The following SAMMSON variants were observed in gnomAD, a reference collection of about 807,000 sequenced individuals.
The protein encoded by SAMMSON is long intergenic non-protein coding RNA 1212.
chr3:70,103,513 A>G (rs2067354147), intron 4 of SAMMSON, among the ~76,000 whole-genome samples: 1 of 152,158 alleles, frequency 6.6e-6, no homozygotes, highest in Non-Finnish European at 1.5e-5. Flanking sequence ...TGAAAATGTC[A>G]ATGGCTTTTA....
intron 6 of SAMMSON, among the ~76,000 whole-genome samples, chr3:70,265,036 T>C (rs1701903259): frequency 6.6e-6 from 1 of 152,156 alleles, no homozygotes; most frequent in Non-Finnish European, 1.5e-5. Flanking sequence ...AACCATCAGA[T>C]ATCGTGAGAC....
intron 7 of SAMMSON, among the ~76,000 whole-genome samples, chr3:70,311,369 T>C (rs559878416): frequency 3.3e-5 from 5 of 152,168 alleles, no homozygotes; most frequent in Non-Finnish European, 7.3e-5. Flanking sequence ...GAGAACATAT[T>C]GATTTGTGTG....
intron 4 of SAMMSON, among the ~76,000 whole-genome samples, chr3:70,152,077 A>G (rs1397877426): frequency 6.6e-6 from 1 of 151,928 alleles, no homozygotes; most frequent in East Asian, 1.9e-4. Context: ...CCTTTTTCCT[A>G]ATTATGCTGC....
chr3:70,028,615 T>C (rs1247067516), intron 3 of SAMMSON, among the ~76,000 whole-genome samples: 3 of 152,190 alleles, frequency 2.0e-5, no homozygotes, highest in Admixed American at 2.0e-4. Flanking sequence ...AAATGAAATA[T>C]TTAATGGAAG....
At chr3:70,108,124 GCTGATTGTGTTAGACTGGTTT>G (rs1252484678) in intron 4 of SAMMSON, among the ~76,000 whole-genome samples, 3 of 152,072 alleles carry the variant, frequency 2.0e-5, no homozygotes, top group Non-Finnish European at 4.4e-5. Flanking sequence ...TTTAACCAAT[GCTGATTGTGTTAGACTGGTTT>G]CTTGAAAAGC....
At chr3:70,174,069 C>CT (rs1700985333) in intron 4 of SAMMSON, among the ~76,000 whole-genome samples, 1 of 139,862 alleles carries the variant, frequency 7.1e-6, no homozygotes, top group South Asian at 2.5e-4. Context: ...TCTGGACATT[C>CT]TTTTTATGAG....
chr3:70,275,105 G>C (rs547744987), intron 6 of SAMMSON, among the ~76,000 whole-genome samples: 1 of 152,274 alleles, frequency 6.6e-6, no homozygotes, highest in Admixed American at 6.5e-5. Flanking sequence ...AGAAGTTCTT[G>C]TGGTCATCAT....
intron 7 of SAMMSON, among the ~76,000 whole-genome samples, chr3:70,338,263 C>G (rs1702682009): frequency 2.0e-5 from 3 of 151,804 alleles, no homozygotes; most frequent in Non-Finnish European, 4.4e-5. Context: ...TTTATTCTTT[C>G]TTTTCTTTTT....
intron 4 of SAMMSON, among the ~76,000 whole-genome samples, chr3:70,108,417 C>T (rs775575374): frequency 3.4e-5 from 2 of 58,336 alleles, no homozygotes; most frequent in African/African-American, 1.2e-4. Context: ...TCAACTCTTG[C>T]GGTTCCTTTT....
At chr3:70,125,052 C>A in intron 4 of SAMMSON, 3 of 793,636 alleles carry the variant, frequency 3.8e-6, no homozygotes, top group South Asian at 1.5e-5. Flanking sequence ...TCAAAAGAAA[C>A]CTTTATTAAT....
At chr3:70,179,815 G>A (rs1701037395) in intron 4 of SAMMSON, among the ~76,000 whole-genome samples, 1 of 152,014 alleles carries the variant, frequency 6.6e-6, no homozygotes, top group South Asian at 2.1e-4. Flanking sequence ...TTGGATTATA[G>A]TCACAGGCTT....
chr3:70,415,470 A>G (rs1393365479), intron 2 of SAMMSON, among the ~76,000 whole-genome samples: 1 of 152,146 alleles, frequency 6.6e-6, no homozygotes, highest in Non-Finnish European at 1.5e-5. Context: ...TGTTTATTAC[A>G]TAGGTGAGTG....
At chr3:70,302,372 A>T (rs1300473961) in intron 7 of SAMMSON, among the ~76,000 whole-genome samples, 2 of 152,266 alleles carry the variant, frequency 1.3e-5, no homozygotes, top group African/African-American at 4.8e-5. Context: ...ATAATCTTAT[A>T]AAAGTAAAGT....
chr3:70,311,475 C>G (rs895543516), intron 7 of SAMMSON, among the ~76,000 whole-genome samples: 1 of 152,140 alleles, frequency 6.6e-6, no homozygotes, highest in Non-Finnish European at 1.5e-5. Context: ...AATGGTGATT[C>G]TATTTGTAGA....
At chr3:70,345,959 C>G (rs1185693721) in intron 7 of SAMMSON, among the ~76,000 whole-genome samples, 1 of 152,154 alleles carries the variant, frequency 6.6e-6, no homozygotes. Context: ...CAAGTTTCTA[C>G]ATGGACATAT....
At chr3:70,233,201 G>A (rs960825104) in intron 4 of SAMMSON, among the ~76,000 whole-genome samples, 1 of 152,118 alleles carries the variant, frequency 6.6e-6, no homozygotes, top group African/African-American at 2.4e-5. Flanking sequence ...CTAAAAGCGA[G>A]CTCTCCCAAA....
chr3:70,270,637 C>T (rs1701967194), intron 6 of SAMMSON, among the ~76,000 whole-genome samples: 1 of 152,150 alleles, frequency 6.6e-6, no homozygotes, highest in Non-Finnish European at 1.5e-5. Flanking sequence ...GAGTGAGTGA[C>T]TTCCTGGGAT....
intron 4 of SAMMSON, among the ~76,000 whole-genome samples, chr3:70,106,719 C>G (rs2106657954): frequency 6.6e-6 from 1 of 152,194 alleles, no homozygotes. Context: ...CAAGGCTTTA[C>G]AAAGCTTTTA....
chr3:70,356,452 T>A (rs892256920), intron 8 of SAMMSON, among the ~76,000 whole-genome samples: 3 of 152,078 alleles, frequency 2.0e-5, no homozygotes, highest in African/African-American at 7.2e-5. Context: ...TACCCTAACC[T>A]GCCTAAATAA....
Sources: gnomAD v4.1 joint callset for allele counts (sites outside exome capture counted in the v4.1 genomes callset) on GRCh38, gnomAD v4.1.1 for gene constraint, MANE v1.5 for transcripts, NCBI Gene and HGNC (gene_info 2026-07-23, HGNC 2026-07-21) for gene names.